The following GRM7 variants were observed in gnomAD, a reference collection of about 807,000 sequenced individuals.
GRM7 encodes metabotropic glutamate receptor 7.
Under a neutral mutation model 84.5 loss-of-function variants are expected in GRM7, and 35 were observed. The ratio of observed to expected loss-of-function variants is 0.41; its 90% CI spans 0.32 to 0.55. The LOEUF (loss-of-function observed/expected upper bound fraction) is 0.55. Among genes scored for constraint, GRM7 ranks in the 20% least tolerant of loss-of-function variants. GRM7 has a pLI of 0.19. For missense variants in GRM7, 1,003 were observed against 1,194.6 expected (o/e 0.84, Z 2.36); for synonymous variants, 487 against 455.1 (o/e 1.07, Z -0.89).
intron 1 of GRM7, among the ~76,000 whole-genome samples, chr3:6,902,988 T>TA (rs1696446118): frequency 6.6e-6 from 1 of 152,088 alleles, no homozygotes; most frequent in Non-Finnish European, 1.5e-5. Context: ...CTAAAACAAT[T>TA]AAAAACCAGC....
chr3:7,475,174 AC>A (rs2124929070), intron 7 of GRM7, among the ~76,000 whole-genome samples: 1 of 152,340 alleles, frequency 6.6e-6, no homozygotes, highest in South Asian at 2.1e-4. Context: ...AAAGAAGTCT[AC>A]GTTTCTCATC....
intron 2 of GRM7, among the ~76,000 whole-genome samples, chr3:7,152,126 C>T (rs1036036856): frequency 6.6e-6 from 1 of 152,006 alleles, no homozygotes. Context: ...CTGTAAGTTC[C>T]TCAAGAAAGA....
intron 2 of GRM7, among the ~76,000 whole-genome samples, chr3:7,266,941 G>T (rs914895540): frequency 5.9e-5 from 9 of 152,184 alleles, no homozygotes; most frequent in Non-Finnish European, 1.0e-4. Context: ...GGGTTGGAAG[G>T]AGACCTCTTA....
chr3:7,194,682 T>A (rs1437367966), intron 2 of GRM7, among the ~76,000 whole-genome samples: 3 of 152,126 alleles, frequency 2.0e-5, no homozygotes, highest in African/African-American at 7.2e-5. Context: ...TCTACCTGCT[T>A]TCAGCCAAGT....
intron 4 of GRM7, among the ~76,000 whole-genome samples, chr3:7,404,656 A>C (rs772544505): frequency 6.6e-6 from 1 of 152,102 alleles, no homozygotes; most frequent in Non-Finnish European, 1.5e-5. Context: ...TGCTCCCTGG[A>C]ATTTAGCATA....
chr3:7,673,982 T>C (rs1700034010), intron 8 of GRM7, among the ~76,000 whole-genome samples: 1 of 152,122 alleles, frequency 6.6e-6, no homozygotes, highest in Non-Finnish European at 1.5e-5. Flanking sequence ...GAGCCATAAC[T>C]TCAGAAAGGG....
intron 1 of GRM7, among the ~76,000 whole-genome samples, chr3:6,938,031 C>T (rs577224395): frequency 6.6e-6 from 1 of 152,144 alleles, no homozygotes; most frequent in Non-Finnish European, 1.5e-5. Context: ...GACACAATTA[C>T]CCATCTGTTC....
chr3:7,232,450 C>A (rs911495154), intron 2 of GRM7, among the ~76,000 whole-genome samples: 1 of 151,944 alleles, frequency 6.6e-6, no homozygotes, highest in South Asian at 2.1e-4. Context: ...TGGATCAGAT[C>A]GAGTTAGAAA....
At chr3:6,904,689 C>T (rs1232425736) in intron 1 of GRM7, among the ~76,000 whole-genome samples, 1 of 151,936 alleles carries the variant, frequency 6.6e-6, no homozygotes, top group Non-Finnish European at 1.5e-5. Flanking sequence ...AACAGGACCA[C>T]AATGTTTTTA....
intron 1 of GRM7, among the ~76,000 whole-genome samples, chr3:7,103,733 T>G (rs1699185885): frequency 6.9e-6 from 1 of 144,366 alleles, no homozygotes; most frequent in African/African-American, 2.8e-5. Context: ...TCTCTCTTTT[T>G]CTCTTTCTCT....
intron 7 of GRM7, among the ~76,000 whole-genome samples, chr3:7,513,754 A>C (rs2124980604): frequency 6.6e-6 from 1 of 152,312 alleles, no homozygotes; most frequent in Admixed American, 6.5e-5. Flanking sequence ...ATAATAATAA[A>C]AATTTTAAAA....
At chr3:7,289,558 T>C (rs190537092) in intron 2 of GRM7, among the ~76,000 whole-genome samples, 1 of 152,082 alleles carries the variant, frequency 6.6e-6, no homozygotes, top group Admixed American at 6.6e-5. Context: ...CACATGCACA[T>C]ATATGTTTAT....
At chr3:6,978,000 A>C (rs1304382805) in intron 1 of GRM7, among the ~76,000 whole-genome samples, 1 of 152,152 alleles carries the variant, frequency 6.6e-6, no homozygotes, top group African/African-American at 2.4e-5. Context: ...GTGGCCCCTC[A>C]AAATCTATGT....
Position 7,356,297 on chromosome 3 carries a change from A to ATTTTTTT in GRM7, c.1033+49652_1033+49658dup, listed in dbSNP as rs1011380269. Among the ~76,000 whole-genome samples, 401 of 148,874 alleles carry ATTTTTTT rather than the reference A, an allele frequency of 2.7e-3. 1 individual carries two copies. Among genetic ancestry groups the ATTTTTTT allele is most frequent in the African/African-American group, 9.4e-3 (382 of 40,526 alleles). On this transcript the variant is annotated intron_variant, in intron 4 of 9. Transcript: ENST00000357716. ...CAAAAGGTGACATCAGCAGAGGAGG[A>ATTTTTTT]TTTTTTTTTTTTTATTTTTTTTGAG...
intron 8 of GRM7, among the ~76,000 whole-genome samples, chr3:7,609,370 A>G (rs1251718641): frequency 6.6e-6 from 1 of 151,850 alleles, no homozygotes; most frequent in Non-Finnish European, 1.5e-5. Flanking sequence ...ATAACAGCAC[A>G]TTAGTATATA....
At chr3:7,488,466 G>C (rs1699402238) in intron 7 of GRM7, among the ~76,000 whole-genome samples, 1 of 152,156 alleles carries the variant, frequency 6.6e-6, no homozygotes, top group Non-Finnish European at 1.5e-5. Flanking sequence ...CTCATGAAGG[G>C]ATTAACAGTC....
At chr3:7,737,066 G>A (rs528122490) in intron 9 of GRM7, among the ~76,000 whole-genome samples, 13 of 152,148 alleles carry the variant, frequency 8.5e-5, no homozygotes, top group Admixed American at 1.3e-4. Context: ...TGGGTTACGC[G>A]TGTTCCATAG....
intron 1 of GRM7, among the ~76,000 whole-genome samples, chr3:7,103,782 CT>C (rs750212570): frequency 9.3e-6 from 1 of 107,894 alleles, no homozygotes; most frequent in Non-Finnish European, 1.8e-5. Context: ...TTCTTTCTTT[CT>C]TTCTTTCTTT....
In GRM7 at chr3:7,741,102, G is replaced by T. The variant is rs1334989616; in HGVS notation, c.*696G>T. On this transcript the variant is annotated 3_prime_UTR_variant, in exon 10 of 10. Transcript: ENST00000357716. ...TTGGTATATGATAGGTTACATAAAA[G>T]GAAGGTATTGGCTGAACTGAATAGA... The T allele has an allele frequency of 2.0e-5, 3 of 152,276 alleles. No individual in the cohort carries two copies. The highest frequency in any genetic ancestry group is 7.3e-5 in the African/African-American group (3 of 41,330). The allele number at this position is 152,276 out of a possible 1,614,324, so 9.4% of individuals were successfully genotyped here. A position where few individuals can be genotyped will look rare whatever the true frequency, so the allele number is the denominator to read the frequency against.
Sources: allele counts gnomAD v4.1 joint callset (sites outside exome capture counted in the v4.1 genomes callset), GRCh38; gene constraint gnomAD v4.1.1; transcripts MANE v1.5; gene names NCBI Gene and HGNC (gene_info 2026-07-23, HGNC 2026-07-21).